ISM1: variants seen among roughly 807,000 people sequenced by gnomAD.
ISM1 encodes isthmin-1.
ISM1 carries 25 observed loss-of-function variants against 46.3 expected under a neutral mutation model. The ratio of observed to expected loss-of-function variants is 0.54; its 90% confidence interval spans 0.39 to 0.75. ISM1 has a LOEUF of 0.75. Ranked by LOEUF, ISM1 falls within the 30% of genes least tolerant of loss-of-function variation. The pLI is 0.00. For missense variants in ISM1, 536 were observed against 625.4 expected (o/e 0.86, Z 1.52); for synonymous variants, 255 against 256.7 (o/e 0.99, Z 0.06).
At chr20:13,285,683 G>A (rs1276989895) in intron 3 of ISM1, among the ~76,000 whole-genome samples, 1 of 152,240 alleles carries the variant, frequency 6.6e-6, no homozygotes, top group African/African-American at 2.4e-5. Flanking sequence ...CGAGAGGGGA[G>A]TAGCCAAGGG....
intron 5 of ISM1, among the ~76,000 whole-genome samples, chr20:13,292,814 A>G (rs1010800774): frequency 2.6e-5 from 4 of 152,164 alleles, no homozygotes; most frequent in Non-Finnish European, 4.4e-5. Context: ...AAGAAAATCA[A>G]GAAATGGTGC....
At chr20:13,272,572 G>C (rs1006074065) in intron 2 of ISM1, among the ~76,000 whole-genome samples, 23 of 152,194 alleles carry the variant, frequency 1.5e-4, no homozygotes, top group Admixed American at 1.2e-3. Flanking sequence ...TGATGGCACA[G>C]AGTGACAAAT....
At chr20:13,271,757 A>C (rs560496174) in intron 2 of ISM1, among the ~76,000 whole-genome samples, 3 of 151,716 alleles carry the variant, frequency 2.0e-5, no homozygotes, top group African/African-American at 7.3e-5. Context: ...CCCCTATCCA[A>C]CTCTCGTCCT....
At chr20:13,273,215 T>TTTTATTTTATTTTA (rs1555813221) in intron 2 of ISM1, among the ~76,000 whole-genome samples, 63 of 130,704 alleles carry the variant, frequency 4.8e-4, no homozygotes, top group African/African-American at 1.8e-3. Flanking sequence ...ACTTGGGTCT[T>TTTTATTTTATTTTA]TTTTATTTTA....
At chr20:13,246,455 C>T (rs1266229065) in intron 1 of ISM1, among the ~76,000 whole-genome samples, 1 of 152,130 alleles carries the variant, frequency 6.6e-6, no homozygotes, top group Non-Finnish European at 1.5e-5. Flanking sequence ...GCCATGTGAC[C>T]AGCAACTGTA....
chr20:13,240,462 C>T (rs144494519), intron 1 of ISM1, among the ~76,000 whole-genome samples: 2,607 of 152,184 alleles, frequency 0.017, 73 homozygotes, highest in African/African-American at 0.056. Flanking sequence ...GTCAGGCAGA[C>T]GGAATCACAA....
At chr20:13,228,785 A>G (rs1213196615) in intron 1 of ISM1, among the ~76,000 whole-genome samples, 1 of 152,220 alleles carries the variant, frequency 6.6e-6, no homozygotes, top group Non-Finnish European at 1.5e-5. Flanking sequence ...TGAAACTAAC[A>G]TTGAGATTTC....
chr20:13,307,339 C>T, the ISM1 span, among the ~76,000 whole-genome samples: 5 of 152,134 alleles, frequency 3.3e-5, no homozygotes, highest in Non-Finnish European at 2.9e-5. Context: ...CATAAGTTCA[C>T]GGCTCAATGA....
At chr20:13,264,782 G>T (rs1414118856) in intron 1 of ISM1, among the ~76,000 whole-genome samples, 1 of 152,198 alleles carries the variant, frequency 6.6e-6, no homozygotes, top group Non-Finnish European at 1.5e-5. Context: ...GTGTGGATTT[G>T]TCATCTGAGA....
At chr20:13,326,532 A>AC in the ISM1 span, among the ~76,000 whole-genome samples, 1 of 151,680 alleles carries the variant, frequency 6.6e-6, no homozygotes, top group Non-Finnish European at 1.5e-5. Flanking sequence ...CTTGGTATGA[A>AC]TTTTTTTTAT....
At chr20:13,237,440 G>A (rs557592511) in intron 1 of ISM1, among the ~76,000 whole-genome samples, 7 of 152,338 alleles carry the variant, frequency 4.6e-5, no homozygotes, top group Non-Finnish European at 8.8e-5. Flanking sequence ...CAAATGTAAT[G>A]TTGAGTGAAG....
rs60897306 is a variant in ISM1, at chr20:13,269,934, A to AGGATGGATGGATGGATGGAT, written c.139-557_139-538dup. Among the ~76,000 whole-genome samples, 352 of 149,910 alleles carry AGGATGGATGGATGGATGGAT rather than the reference A, an allele frequency of 2.3e-3. 5 individuals are homozygous for AGGATGGATGGATGGATGGAT. The highest frequency in any genetic ancestry group is 0.013 in the South Asian group (58 of 4,640). Reference sequence around the variant, plus strand: ...TTGGATGGATGGGTGTGTGGGTGGAAGGATGGATGGATGGATGGATGGATG... The same window carrying AGGATGGATGGATGGATGGAT: ...TTGGATGGATGGGTGTGTGGGTGGAAGGATGGATGGATGGATGGATGGATGGATGGATGGATGGATGGATG... On this transcript the variant is annotated intron_variant, in intron 1 of 5. Transcript: ENST00000262487.
intron 1 of ISM1, among the ~76,000 whole-genome samples, chr20:13,224,203 A>G (rs2039486839): frequency 6.6e-6 from 1 of 152,158 alleles, no homozygotes; most frequent in Non-Finnish European, 1.5e-5. Flanking sequence ...TTCCAAGCAG[A>G]ATGATGAGTT....
chr20:13,308,967 C>T, the ISM1 span, among the ~76,000 whole-genome samples: 3,600 of 152,216 alleles, frequency 0.024, 46 homozygotes, highest in Non-Finnish European at 0.03. Context: ...TCTGGCCATG[C>T]TAGCACCTTG....
At chr20:13,324,513 G>A in the ISM1 span, among the ~76,000 whole-genome samples, 1 of 152,122 alleles carries the variant, frequency 6.6e-6, no homozygotes, top group Non-Finnish European at 1.5e-5. Context: ...AAAACTAACA[G>A]GTCTTAATTG....
At chr20:13,245,336 T>C (rs1273583244) in intron 1 of ISM1, 1 of 152,220 alleles carries the variant, frequency 6.6e-6, no homozygotes. Flanking sequence ...GCTCTCAGGA[T>C]GGCAGCAGAA....
At chr20:13,302,447 A>C (rs952137973), downstream of ISM1, among the ~76,000 whole-genome samples, 1 of 152,118 alleles carries the variant, frequency 6.6e-6, no homozygotes, top group Non-Finnish European at 1.5e-5. Context: ...GGAAATCAAG[A>C]CCTCATGCCT....
At chr20:13,243,270 G>A (rs2039751073) in intron 1 of ISM1, among the ~76,000 whole-genome samples, 1 of 152,114 alleles carries the variant, frequency 6.6e-6, no homozygotes, top group Admixed American at 6.5e-5. Context: ...TCAGTTCCAT[G>A]CAGTCATTCA....
At chr20:13,290,666 A>T (rs1302762044) in intron 4 of ISM1, among the ~76,000 whole-genome samples, 1 of 152,220 alleles carries the variant, frequency 6.6e-6, no homozygotes, top group African/African-American at 2.4e-5. Context: ...TCAAAACAAA[A>T]AAAGAAAGAA....
Sources: gnomAD v4.1 joint callset for allele counts (sites outside exome capture counted in the v4.1 genomes callset) on GRCh38, gnomAD v4.1.1 for gene constraint, MANE v1.5 for transcripts, NCBI Gene and HGNC (gene_info 2026-07-23, HGNC 2026-07-21) for gene names.